Variants in CADPS observed in about 807,000 individuals in gnomAD.
The protein encoded by CADPS is calcium-dependent secretion activator 1.
A neutral mutation model predicts 167.3 loss-of-function variants in CADPS; 57 were observed. The observed-to-expected ratio is 0.34, with a 90% CI of 0.28 to 0.42. The LOEUF is 0.42. Ranked by LOEUF, CADPS falls within the 20% of genes least tolerant of loss-of-function variation. The pLI is 1.00. For synonymous variants in CADPS, 676 were observed against 635.3 expected, an observed-to-expected ratio of 1.06 and a Z score of -0.96; for missense variants, 1,414 against 1,738.1, an observed-to-expected ratio of 0.81 and a Z score of 3.32.
chr3:62,418,693 A>T (rs1272423030), intron 28 of CADPS, among the ~76,000 whole-genome samples: 1 of 151,870 alleles, frequency 6.6e-6, no homozygotes, highest in Non-Finnish European at 1.5e-5. Flanking sequence ...ATCAACTTAA[A>T]TGAAGAGCAA....
At chr3:62,836,699 T>A (rs1353756764) in intron 1 of CADPS, among the ~76,000 whole-genome samples, 1 of 152,180 alleles carries the variant, frequency 6.6e-6, no homozygotes, top group Non-Finnish European at 1.5e-5. Context: ...TAAAGTACAC[T>A]GTACCATGCC....
At chr3:62,693,485 G>T (rs2079599525) in intron 3 of CADPS, among the ~76,000 whole-genome samples, 1 of 151,966 alleles carries the variant, frequency 6.6e-6, no homozygotes, top group Non-Finnish European at 1.5e-5. Context: ...TTTTGTTTTT[G>T]CCAGGTGCAG....
chr3:62,549,623 G>T (rs1192238666), intron 11 of CADPS, among the ~76,000 whole-genome samples: 1 of 152,020 alleles, frequency 6.6e-6, no homozygotes, highest in African/African-American at 2.4e-5. Flanking sequence ...ACAAATACAT[G>T]TTTGGCTGTG....
chr3:62,453,773 T>C (rs752608163), intron 26 of CADPS, among the ~76,000 whole-genome samples: 1 of 152,192 alleles, frequency 6.6e-6, no homozygotes, highest in Non-Finnish European at 1.5e-5. Flanking sequence ...TCTGGAATCA[T>C]AGACAGCATG....
chr3:62,624,308 T>G (rs2063652795), intron 6 of CADPS, among the ~76,000 whole-genome samples: 1 of 152,182 alleles, frequency 6.6e-6, no homozygotes, highest in African/African-American at 2.4e-5. Context: ...ATCTCTGTCC[T>G]TCTGAATCTC....
intron 3 of CADPS, among the ~76,000 whole-genome samples, chr3:62,664,612 A>T (rs1362174077): frequency 6.6e-6 from 1 of 152,274 alleles, no homozygotes; most frequent in African/African-American, 2.4e-5. Flanking sequence ...TCTTGTTCAA[A>T]ATACATATGC....
intron 4 of CADPS, among the ~76,000 whole-genome samples, chr3:62,660,748 C>T (rs1385043808): frequency 6.6e-6 from 1 of 152,100 alleles, no homozygotes; most frequent in Admixed American, 6.5e-5. Flanking sequence ...TCATCAGGAG[C>T]CTGATGCTAT....
chr3:62,714,004 A>C (rs553345910), intron 3 of CADPS, among the ~76,000 whole-genome samples: 2 of 152,326 alleles, frequency 1.3e-5, no homozygotes, highest in South Asian at 4.1e-4. Context: ...CCTTTGGTTC[A>C]ATCAACCTCA....
chr3:62,452,468 A>G (rs1428148832), intron 26 of CADPS, among the ~76,000 whole-genome samples: 13 of 152,200 alleles, frequency 8.5e-5, no homozygotes. Flanking sequence ...ATCACTTTAG[A>G]CAGTTCTATT....
intron 3 of CADPS, among the ~76,000 whole-genome samples, chr3:62,676,014 T>C (rs955983776): frequency 6.6e-6 from 1 of 152,116 alleles, no homozygotes; most frequent in Non-Finnish European, 1.5e-5. Context: ...GAACCTTAAG[T>C]AACCACTTTT....
rs80087849 is a variant in CADPS at position 62,871,984 on chromosome 3, A to G, written c.441+2605T>C. Among the ~76,000 whole-genome samples the G allele has an allele frequency of 1.6e-3, 237 of 152,286 alleles. 5 individuals carry two copies. In the East Asian group the frequency reaches 0.042, roughly 27 times the overall value. Reference sequence around the variant, plus strand: ...GAAAAAGTGGTGTGAGTATTGTGATATAGATTATTTGGTTTCATATGGTGC... The same window carrying G: ...GAAAAAGTGGTGTGAGTATTGTGATGTAGATTATTTGGTTTCATATGGTGC... On this transcript the variant is annotated intron_variant, in intron 1 of 29. Transcript: ENST00000383710.
intron 6 of CADPS, among the ~76,000 whole-genome samples, chr3:62,614,154 G>A (rs959212397): frequency 6.6e-6 from 1 of 152,160 alleles, no homozygotes; most frequent in Admixed American, 6.6e-5. Flanking sequence ...TATGGGCCAG[G>A]CAATGTTTCA....
At chr3:62,699,150 G>A (rs1203275722) in intron 3 of CADPS, among the ~76,000 whole-genome samples, 9 of 151,982 alleles carry the variant, frequency 5.9e-5, no homozygotes, top group Middle Eastern at 3.4e-3. Flanking sequence ...AAAGTCCATC[G>A]TATCATTCTC....
At chr3:62,491,084 T>A (rs1314933821) in intron 21 of CADPS, among the ~76,000 whole-genome samples, 1 of 152,222 alleles carries the variant, frequency 6.6e-6, no homozygotes, top group Non-Finnish European at 1.5e-5. Flanking sequence ...TCTTCCTTAT[T>A]TATCTTGTGC....
At chr3:62,557,084 A>G (rs901098345) in intron 10 of CADPS, among the ~76,000 whole-genome samples, 1 of 150,874 alleles carries the variant, frequency 6.6e-6, no homozygotes, top group African/African-American at 2.4e-5. Context: ...CTTCTTTTTC[A>G]GAATTTTTTT....
chr3:62,416,238 C>G (rs2050036517), intron 28 of CADPS, among the ~76,000 whole-genome samples: 1 of 152,142 alleles, frequency 6.6e-6, no homozygotes, highest in South Asian at 2.1e-4. Flanking sequence ...ATACTTCTGA[C>G]AAAAGAACAT....
chr3:62,399,392 T>C lies in CADPS; in HGVS notation c.*14A>G, dbSNP rs766656196. The C allele has an allele frequency of 6.8e-6, 11 of 1,613,806 alleles. No individual in the cohort carries two copies. Among genetic ancestry groups the C allele is most frequent in the Middle Eastern group, 1.7e-4 (1 of 6,056 alleles). On this transcript the variant is annotated 3_prime_UTR_variant, in exon 30 of 30. Transcript: ENST00000383710. This position sits in a 1 kb window ranked among gnomAD's most constrained non-coding sequence, Gnocchi z 5.6. ...TACAGGACTCTGTCCCAGCAGACTC[T>C]AGGACCAAATGGTCTAATCGTCTTC...
intron 26 of CADPS, among the ~76,000 whole-genome samples, chr3:62,464,319 G>T (rs927969802): frequency 6.6e-6 from 1 of 152,180 alleles, no homozygotes; most frequent in African/African-American, 2.4e-5. Context: ...ACTACCCTGT[G>T]CTGGGCCTTG....
chr3:62,615,183 G>A (rs898808501), intron 6 of CADPS, among the ~76,000 whole-genome samples: 2 of 152,126 alleles, frequency 1.3e-5, no homozygotes, highest in African/African-American at 2.4e-5. Context: ...TAAATACTGT[G>A]CAAGACAGGT....
Sources: allele counts gnomAD v4.1 joint callset (sites outside exome capture counted in the v4.1 genomes callset), GRCh38; gene constraint gnomAD v4.1.1; non-coding constraint Gnocchi (gnomAD v3.1); transcripts MANE v1.5; gene names NCBI Gene and HGNC (gene_info 2026-07-23, HGNC 2026-07-21).